Variants in FRMD4B observed in about 807,000 individuals in gnomAD.
The protein encoded by FRMD4B is FERM domain-containing protein 4B.
Under a neutral mutation model 141.5 loss-of-function variants are expected in FRMD4B, and 74 were observed. That is an observed-to-expected ratio of 0.52 (90% CI 0.43 to 0.63). The LOEUF (loss-of-function observed/expected upper bound fraction) is 0.63. FRMD4B is among the 30% of genes least tolerant of loss of function. The pLI is 0.00. For missense variants in FRMD4B, 1,366 were observed against 1,253.4 expected (o/e 1.09, Z -1.36); for synonymous variants, 506 against 467.9 (o/e 1.08, Z -1.05).
At chr3:69,253,183 A>AT (rs5849890) in intron 5 of FRMD4B, among the ~76,000 whole-genome samples, 22,000 of 128,250 alleles carry the variant, frequency 0.17, 2,497 homozygotes, top group East Asian at 0.33. Flanking sequence ...TATGATTCCT[A>AT]TTTTTTTTTT....
At chr3:69,212,753 C>G (rs1232315483) in intron 11 of FRMD4B, among the ~76,000 whole-genome samples, 1 of 152,284 alleles carries the variant, frequency 6.6e-6, no homozygotes, top group Middle Eastern at 3.4e-3. Flanking sequence ...TCTTATCAAG[C>G]CACATTAGCT....
At chr3:69,400,324 A>G (rs1704541712) in intron 2 of FRMD4B, among the ~76,000 whole-genome samples, 1 of 151,980 alleles carries the variant, frequency 6.6e-6, no homozygotes, top group Admixed American at 6.6e-5. Context: ...GCGGTGAGCT[A>G]TGAGCTATGA....
In FRMD4B at chr3:69,537,399, G is replaced by A. The variant is rs2107172615; in HGVS notation, c.-129+4807C>T. ...GAGCTGCAGAATAGAGCACTCATTT[G>A]CCCTAGGCTTTAAGGAGGTGTATTC... is the stretch of plus-strand genomic sequence containing the variant. On this transcript the variant is annotated intron_variant, in intron 1 of 5. Coordinates refer to the FRMD4B transcript ENST00000459638. 2.0e-5 allele frequency among the ~76,000 whole-genome samples: 3 copies of A among 152,318 alleles called. 1 individual carries two copies. In the East Asian group the frequency reaches 5.8e-4, roughly 29 times the overall value.
intron 2 of FRMD4B, among the ~76,000 whole-genome samples, chr3:69,413,869 C>CA (rs1452371465): frequency 1.3e-5 from 2 of 152,048 alleles, no homozygotes; most frequent in Admixed American, 6.6e-5. Context: ...ACGTGTTTCT[C>CA]AGAGATGTAA....
At chr3:69,492,860 C>T (rs757314011) in intron 1 of FRMD4B, among the ~76,000 whole-genome samples, 1 of 152,298 alleles carries the variant, frequency 6.6e-6, no homozygotes, top group African/African-American at 2.4e-5. Context: ...GGCTGGTAAA[C>T]GTTTCCAGTT....
At chr3:69,508,431 T>C (rs1706634827) in intron 1 of FRMD4B, among the ~76,000 whole-genome samples, 1 of 152,194 alleles carries the variant, frequency 6.6e-6, no homozygotes, top group South Asian at 2.1e-4. Context: ...CAAATTACTG[T>C]TGGGACAAAT....
At chr3:69,507,054 A>G (rs1336501572) in intron 1 of FRMD4B, among the ~76,000 whole-genome samples, 1 of 152,158 alleles carries the variant, frequency 6.6e-6, no homozygotes, top group Non-Finnish European at 1.5e-5. Flanking sequence ...AGATTCTAAT[A>G]TAGGGATGTG....
chr3:69,439,537 G>C (rs1183209334), intron 1 of FRMD4B, among the ~76,000 whole-genome samples: 1 of 152,206 alleles, frequency 6.6e-6, no homozygotes, highest in East Asian at 1.9e-4. Flanking sequence ...ATTTTGTACA[G>C]TGCATGAGAG....
chr3:69,249,241 T>C lies in FRMD4B; in HGVS notation c.566A>G (p.Lys189Arg). ...AAAGCATTACCTGGTATAATCTCCCTTGGCTTCCTAAAAACAACAAACAAA... is the reference window on the plus strand; with the variant it reads ...AAAGCATTACCTGGTATAATCTCCCCTGGCTTCCTAAAAACAACAAACAAA... ...KLAAFILQEA[K>R]GDYTSDENAR... is the part of the protein sequence containing the mutation. Residue 189 changes from lysine (K) to arginine (R), a missense_variant, in exon 7 of 23, where the codon AAG becomes AGG. By Grantham distance (26) the Lys-to-Arg change is conservative (BLOSUM62 2). Coordinates refer to ENST00000398540, the MANE Select transcript of FRMD4B (RefSeq NM_015123.3). 1 of 1,577,648 alleles carries C rather than the reference T, an allele frequency of 6.3e-7. No homozygotes were observed. Among genetic ancestry groups the C allele is most frequent in the Non-Finnish European group, 8.7e-7 (1 of 1,150,986 alleles).
intron 1 of FRMD4B, among the ~76,000 whole-genome samples, chr3:69,541,551 T>C (rs117363666): frequency 6.6e-6 from 1 of 152,158 alleles, no homozygotes; most frequent in African/African-American, 2.4e-5. Flanking sequence ...GGACATCCAA[T>C]GCAAGGGAAG....
chr3:69,252,616 A>G (rs1384899681), intron 5 of FRMD4B, among the ~76,000 whole-genome samples: 3 of 152,222 alleles, frequency 2.0e-5, no homozygotes, highest in Non-Finnish European at 4.4e-5. Context: ...TACATTATTC[A>G]GGTGTAACAC....
At chr3:69,330,340 C>CTCTTTTTTT (rs1225031283) in intron 1 of FRMD4B, among the ~76,000 whole-genome samples, 27 of 42,938 alleles carry the variant, frequency 6.3e-4, no homozygotes, top group African/African-American at 3.2e-3. Flanking sequence ...ATTCTTTTGC[C>CTCTTTTTTT]TTTTTTTTTT....
intron 1 of FRMD4B, among the ~76,000 whole-genome samples, chr3:69,362,379 A>G (rs1467615618): frequency 6.6e-6 from 1 of 152,126 alleles, no homozygotes; most frequent in Non-Finnish European, 1.5e-5. Flanking sequence ...TCTGCCTCTC[A>G]CAATTGTTAA....
At chr3:69,531,277 G>C (rs889299960) in intron 1 of FRMD4B, among the ~76,000 whole-genome samples, 2 of 152,044 alleles carry the variant, frequency 1.3e-5, no homozygotes, top group African/African-American at 4.8e-5. Context: ...TCACATACAG[G>C]CTCTCAATCC....
At chr3:69,314,055 C>T (rs36179245) in intron 1 of FRMD4B, among the ~76,000 whole-genome samples, 1 of 129,644 alleles carries the variant, frequency 7.7e-6, no homozygotes, top group Non-Finnish European at 1.6e-5. Flanking sequence ...AGGAGAATGG[C>T]GTGAACCCGG....
intron 1 of FRMD4B, among the ~76,000 whole-genome samples, chr3:69,486,956 T>C (rs893268909): frequency 5.3e-5 from 8 of 152,204 alleles, no homozygotes; most frequent in Non-Finnish European, 8.8e-5. Flanking sequence ...CCAAGGTCTC[T>C]TGTTTGAGTC....
chr3:69,392,882 G>A (rs986065074), intron 2 of FRMD4B, among the ~76,000 whole-genome samples: 1 of 152,118 alleles, frequency 6.6e-6, no homozygotes, highest in Admixed American at 6.5e-5. Context: ...CAGAGGCTAG[G>A]TGACTGGTCT....
At chr3:69,219,456 C>A (rs2093172821) in intron 9 of FRMD4B, among the ~76,000 whole-genome samples, 1 of 152,088 alleles carries the variant, frequency 6.6e-6, no homozygotes. Context: ...GTGTCAAGGT[C>A]ATGCAGCAAC....
intron 1 of FRMD4B, among the ~76,000 whole-genome samples, chr3:69,325,349 C>T (rs975452341): frequency 3.3e-5 from 5 of 152,186 alleles, no homozygotes; most frequent in African/African-American, 1.2e-4. Flanking sequence ...CAGCCAGCTT[C>T]GGGCAGACAT....
Sources: allele counts gnomAD v4.1 joint callset (sites outside exome capture counted in the v4.1 genomes callset), GRCh38; gene constraint gnomAD v4.1.1; transcripts MANE v1.5; gene names NCBI Gene and HGNC (gene_info 2026-07-23, HGNC 2026-07-21).